The following ANXA10 variants were observed in gnomAD, a reference collection of about 807,000 sequenced individuals.
ANXA10 encodes annexin 14.
A neutral mutation model predicts 53.5 loss-of-function variants in ANXA10; 49 were observed. The ratio of observed to expected loss-of-function variants is 0.92; its 90% CI spans 0.73 to 1.16. ANXA10 has a LOEUF of 1.16. Among genes scored for constraint, ANXA10 ranks in the 50% most tolerant of loss-of-function variants. ANXA10 has a pLI of 0.00. For missense variants in ANXA10, 393 were observed against 394.4 expected, an observed-to-expected ratio of 1.00 and a Z score of 0.03; for synonymous variants, 131 against 128.9, an observed-to-expected ratio of 1.02 and a Z score of -0.11.
chr4:168,124,754 A>G (rs147977996), intron 1 of ANXA10, among the ~76,000 whole-genome samples: 4 of 152,318 alleles, frequency 2.6e-5, no homozygotes, highest in African/African-American at 9.6e-5. Flanking sequence ...ACCATGTTTC[A>G]TGTGGGCCAG....
chr4:168,127,817 CTTTTTTTTTTTTT>C (rs766782048), intron 1 of ANXA10: 51 of 149,012 alleles, frequency 3.4e-4, no homozygotes, highest in African/African-American at 5.4e-4. Context: ...ATGTTGAAAC[CTTTTTTTTTTTTT>C]TTTTTTTTTT....
intron 3 of ANXA10, among the ~76,000 whole-genome samples, chr4:168,155,428 TAATTATA>T (rs1731593481): frequency 1.2e-5 from 1 of 84,030 alleles, no homozygotes; most frequent in African/African-American, 5.1e-5. Flanking sequence ...ATATTATATA[TAATTATA>T]TATAATTATG....
chr4:168,132,276 A>G (rs1281604507), intron 2 of ANXA10, among the ~76,000 whole-genome samples: 1 of 152,080 alleles, frequency 6.6e-6, no homozygotes. Context: ...AATACTCAAC[A>G]GAGTACAATT....
intron 3 of ANXA10, among the ~76,000 whole-genome samples, chr4:168,146,592 G>A (rs547644692): frequency 6.6e-6 from 1 of 152,272 alleles, no homozygotes; most frequent in South Asian, 2.1e-4. Context: ...GTGTTGTGAT[G>A]TCCAGTCTGA....
rs556403805 is a variant in ANXA10, at chr4:168,120,620, G to A, written c.19-7464G>A. Among the ~76,000 whole-genome samples, 16 of 152,102 alleles carry A rather than the reference G, an allele frequency of 1.1e-4. No homozygotes were observed. In the East Asian group the frequency reaches 1.9e-3, roughly 18 times the overall value. On this transcript the variant is annotated intron_variant, in intron 1 of 11. Transcript: ENST00000359299. ...CAATGTTAATAAAATACCTAACAAC[G>A]TTGACAGGGAGAAGAGGGAAATTAG... is the stretch of plus-strand genomic sequence containing the variant.
rs1731320196 is a variant in ANXA10 at position 168,141,217 on chromosome 4, A to G, written c.195+1637A>G. On this transcript the variant is annotated intron_variant, in intron 3 of 11. Transcript: ENST00000359299. ...CCTCCTGGAAAACCTTGGCTGATACACTAAATTGCACTGCCTGGAAAACTG... is the reference window on the plus strand; with the variant it reads ...CCTCCTGGAAAACCTTGGCTGATACGCTAAATTGCACTGCCTGGAAAACTG... 2.0e-5 allele frequency among the ~76,000 whole-genome samples: 3 copies of G among 152,136 alleles called. 1 individual carries two copies. Among genetic ancestry groups the G allele is most frequent in the Admixed American group, 2.0e-4 (3 of 15,268 alleles).
At chr4:168,104,829 T>A (rs1730693795) in intron 1 of ANXA10, among the ~76,000 whole-genome samples, 1 of 151,122 alleles carries the variant, frequency 6.6e-6, no homozygotes, top group Admixed American at 6.6e-5. Context: ...TTAATTTTAT[T>A]GATTTTACTC....
chr4:168,096,938 ATG>A, intron 1 of ANXA10, among the ~76,000 whole-genome samples: 1 of 148,914 alleles, frequency 6.7e-6, no homozygotes, highest in African/African-American at 2.5e-5. Context: ...ATGTATGTAT[ATG>A]TATATACAAT....
In ANXA10 at chr4:168,184,582, T is replaced by G. The variant is rs571880794; in HGVS notation, c.807T>G (p.Thr269=). Residue 269 remains threonine (T), a synonymous_variant, in exon 11 of 12, where the codon ACT becomes ACG. Transcript: ENST00000359299. ...AIHDFGFHNK[T]VIRILIARSE... ...AGGACTTTGGTTTCCATAATAAAAC[T>G]GTAATCAGGATTCTCATTGCCAGAA... The G allele has an allele frequency of 6.2e-7, 1 of 1,613,906 alleles. No homozygotes were observed.
At chr4:168,177,342 T>C (rs539922170) in intron 6 of ANXA10, among the ~76,000 whole-genome samples, 188 of 152,154 alleles carry the variant, frequency 1.2e-3, no homozygotes, top group Non-Finnish European at 2.4e-3. Flanking sequence ...ATAAATCCTA[T>C]TGTGCAAGTC....
chr4:168,183,939 C>T (rs1016447496), intron 10 of ANXA10, among the ~76,000 whole-genome samples: 3 of 152,082 alleles, frequency 2.0e-5, no homozygotes, highest in Non-Finnish European at 4.4e-5. Context: ...CAATTTGAAA[C>T]TGATTTGTTA....
chr4:168,106,156 T>C (rs757472524), intron 1 of ANXA10, among the ~76,000 whole-genome samples: 7 of 152,174 alleles, frequency 4.6e-5, no homozygotes, highest in Non-Finnish European at 8.8e-5. Flanking sequence ...TTGCCTTTGT[T>C]GCAATTGTTG....
chr4:168,143,962 T>A (rs1364279347), intron 3 of ANXA10, among the ~76,000 whole-genome samples: 1 of 152,120 alleles, frequency 6.6e-6, no homozygotes, highest in Non-Finnish European at 1.5e-5. Flanking sequence ...AGGTTTTGCT[T>A]AAGTGTCAAA....
intron 6 of ANXA10, among the ~76,000 whole-genome samples, chr4:168,172,156 C>T (rs1190365672): frequency 6.6e-6 from 1 of 152,158 alleles, no homozygotes; most frequent in African/African-American, 2.4e-5. Flanking sequence ...TACCATGTGG[C>T]CGTCTCAGGC....
In ANXA10 at chr4:168,119,561, G is replaced by A. The variant is rs550941203; in HGVS notation, c.19-8523G>A. ...ATAGGTACCTGCATTTAATAGCTTA[G>A]ACTGAGCTTTGCAGTTCAGCTGTAT... On this transcript the variant is annotated intron_variant, in intron 1 of 11. Transcript: ENST00000359299. Among the ~76,000 whole-genome samples, 46 of 152,188 alleles carry A rather than the reference G, an allele frequency of 3.0e-4. No homozygotes were observed. In the South Asian group the frequency reaches 8.9e-3, roughly 30 times the overall value.
intron 6 of ANXA10, among the ~76,000 whole-genome samples, chr4:168,166,916 G>C (rs1367967717): frequency 6.6e-6 from 1 of 152,120 alleles, no homozygotes; most frequent in Non-Finnish European, 1.5e-5. Flanking sequence ...GGAGAGAGAA[G>C]GATCTATAGT....
At chr4:168,124,107 G>A (rs1001612198) in intron 1 of ANXA10, among the ~76,000 whole-genome samples, 1 of 152,196 alleles carries the variant, frequency 6.6e-6, no homozygotes, top group Non-Finnish European at 1.5e-5. Context: ...ACGTGCAATT[G>A]ATGCTGTAGT....
In ANXA10 at chr4:168,155,759, AATATATG is replaced by A. The variant is rs1160449632; in HGVS notation, c.196-6762_196-6756del. ...ATATATCATATATTATATATTATAT[AATATATG>A]ATATATCATATATTATATATTATAT... On this transcript the variant is annotated intron_variant, in intron 3 of 11. Coordinates refer to ENST00000359299, the MANE Select transcript of ANXA10 (RefSeq NM_007193.5). Among the ~76,000 whole-genome samples, 4 of 25,032 alleles carry A rather than the reference AATATATG, an allele frequency of 1.6e-4. 1 individual carries two copies. The highest frequency in any genetic ancestry group is 2.0e-4 in the African/African-American group (1 of 4,888). The allele number at this position is 25,032 out of a possible 152,430, so 16.4% of individuals were successfully genotyped here. A position where few individuals can be genotyped will look rare whatever the true frequency, so the allele number is the denominator to read the frequency against.
At chr4:168,114,722 T>G (rs1170709804) in intron 1 of ANXA10, among the ~76,000 whole-genome samples, 1 of 152,090 alleles carries the variant, frequency 6.6e-6, no homozygotes, top group African/African-American at 2.4e-5. Context: ...AGCTTCCACT[T>G]GTAAGTAAGA....
Sources: gnomAD v4.1 joint callset for allele counts (sites outside exome capture counted in the v4.1 genomes callset) on GRCh38, gnomAD v4.1.1 for gene constraint, MANE v1.5 for transcripts, NCBI Gene and HGNC (gene_info 2026-07-23, HGNC 2026-07-21) for gene names.